CCDC169: variants seen among roughly 807,000 people sequenced by gnomAD.
CCDC169 encodes coiled-coil domain-containing protein 169.
In CCDC169, 30 loss-of-function variants were observed where a neutral mutation model predicts 36.0. That is an observed-to-expected ratio of 0.83 (90% confidence interval 0.62 to 1.13). The LOEUF is 1.13. Ranked by LOEUF, CCDC169 falls within the 50% of genes most tolerant of loss-of-function variation. CCDC169 has a pLI of 0.00. For synonymous variants in CCDC169, 85 were observed against 81.5 expected (o/e 1.04, Z -0.23); for missense variants, 245 against 245.9 (o/e 1.00, Z 0.03).
At chr13:36,273,733 A>T (rs574731070) in intron 4 of CCDC169, among the ~76,000 whole-genome samples, 4 of 152,292 alleles carry the variant, frequency 2.6e-5, no homozygotes, top group African/African-American at 9.6e-5. Flanking sequence ...TTTATTTAAA[A>T]TTTTTTTGTA....
chr13:36,281,476 C>A (rs1289937943), intron 4 of CCDC169, among the ~76,000 whole-genome samples: 1 of 152,000 alleles, frequency 6.6e-6, no homozygotes, highest in East Asian at 1.9e-4. Context: ...GAGGCACCAA[C>A]CTATTATCAG....
intron 4 of CCDC169, among the ~76,000 whole-genome samples, chr13:36,255,865 T>C (rs1873805679): frequency 6.6e-6 from 1 of 152,218 alleles, no homozygotes; most frequent in African/African-American, 2.4e-5. Flanking sequence ...GGACCCACTA[T>C]GTCCTGCTTC....
downstream of CCDC169, among the ~76,000 whole-genome samples, chr13:36,230,503 A>T (rs900833757): frequency 1.3e-5 from 2 of 152,224 alleles, no homozygotes; most frequent in African/African-American, 4.8e-5. Flanking sequence ...ACCACACATC[A>T]CAAAATGACT....
chr13:36,236,301 G>A (rs1020231076), intron 7 of CCDC169, among the ~76,000 whole-genome samples: 9 of 152,066 alleles, frequency 5.9e-5, no homozygotes, highest in Non-Finnish European at 1.2e-4. Context: ...TAAGGATAGA[G>A]TTATAGATCA....
chr13:36,223,951 T>C (rs1237085327), downstream of CCDC169: 1 of 152,180 alleles, frequency 6.6e-6, no homozygotes, highest in African/African-American at 2.4e-5. Context: ...CTAAAATTGA[T>C]ATAGGTAACT....
At chr13:36,227,387 T>C (rs1299714920), downstream of CCDC169, 2 of 1,539,790 alleles carry the variant, frequency 1.3e-6, no homozygotes, top group African/African-American at 1.4e-5. Flanking sequence ...GGAGGCTGTT[T>C]GAAGAGATGT....
downstream of CCDC169, chr13:36,226,362 A>G (rs1869875788): frequency 6.6e-6 from 1 of 152,214 alleles, no homozygotes; most frequent in Non-Finnish European, 1.5e-5. Context: ...TTAAATTCTC[A>G]TCTGGCATTA....
downstream of CCDC169, among the ~76,000 whole-genome samples, chr13:36,230,453 T>C (rs1870293094): frequency 6.6e-6 from 1 of 152,214 alleles, no homozygotes; most frequent in Non-Finnish European, 1.5e-5. Context: ...TTGTGAACAA[T>C]TGCAGTTTGG....
At chr13:36,262,266 G>A (rs1874701171) in intron 4 of CCDC169, among the ~76,000 whole-genome samples, 1 of 147,830 alleles carries the variant, frequency 6.8e-6, no homozygotes, top group Non-Finnish European at 1.5e-5. Flanking sequence ...GGAGATGGGT[G>A]GAAATAATTT....
chr13:36,238,188 T>C (rs934578618), intron 7 of CCDC169, among the ~76,000 whole-genome samples: 4 of 152,230 alleles, frequency 2.6e-5, no homozygotes, highest in Non-Finnish European at 5.9e-5. Context: ...GATGAAAATG[T>C]TCTGGAATCA....
At chr13:36,281,483 T>C (rs148822880) in intron 4 of CCDC169, among the ~76,000 whole-genome samples, 587 of 152,214 alleles carry the variant, frequency 3.9e-3, no homozygotes, top group Non-Finnish European at 6.6e-3. Context: ...CAACCTATTA[T>C]CAGAACAAAG....
intron 6 of CCDC169, among the ~76,000 whole-genome samples, chr13:36,250,883 T>C (rs1266012646): frequency 6.6e-6 from 1 of 152,190 alleles, no homozygotes; most frequent in East Asian, 1.9e-4. Flanking sequence ...AACTTCCCGA[T>C]AATGAAACAG....
Position 36,288,293 on chromosome 13 carries a change from C to T in CCDC169, c.164-4591G>A, listed in dbSNP as rs529842446. On this transcript the variant is annotated intron_variant, in intron 2 of 7. Coordinates refer to ENST00000239859, the MANE Select transcript of CCDC169 (RefSeq NM_001144981.3). ...CCTCCCAAAGTGCTGGGATTACAGG[C>T]GTGAGCCACCGTGCCCGACCCGGAA... 3.9e-5 allele frequency among the ~76,000 whole-genome samples: 6 copies of T among 152,182 alleles called. No individual in the cohort carries two copies. The South Asian group carries it at 1.2e-3, about 32-fold the overall frequency.
chr13:36,282,416 G>A, intron 4 of CCDC169: 2 of 985,262 alleles, frequency 2.0e-6, no homozygotes, highest in Non-Finnish European at 2.4e-6. Flanking sequence ...AATGCTTTTT[G>A]CTTAGTAATT....
intron 2 of CCDC169, among the ~76,000 whole-genome samples, chr13:36,285,614 GATAGATAC>G (rs1555254466): frequency 9.5e-4 from 131 of 138,170 alleles, no homozygotes; most frequent in Non-Finnish European, 1.4e-3. Flanking sequence ...TAGATAGATA[GATAGATAC>G]ATAGATACAT....
At chr13:36,253,910 T>A in intron 5 of CCDC169, 54 bp from the exon 6 acceptor site, 2 of 1,543,182 alleles carry the variant, frequency 1.3e-6, no homozygotes, top group East Asian at 4.9e-5. Flanking sequence ...TTAGCAATAC[T>A]AGCAAGACTA....
chr13:36,270,207 A>G (rs1025522716), intron 4 of CCDC169, among the ~76,000 whole-genome samples: 26 of 139,328 alleles, frequency 1.9e-4, no homozygotes, highest in African/African-American at 5.8e-4. Flanking sequence ...CTAGGAATAT[A>G]CTTAAAGCAG....
intron 7 of CCDC169, among the ~76,000 whole-genome samples, chr13:36,232,113 G>C (rs887046244): frequency 6.6e-6 from 1 of 152,180 alleles, no homozygotes; most frequent in Non-Finnish European, 1.5e-5. Context: ...GAGCTTTGTA[G>C]CATTTTAACT....
At chr13:36,280,814 G>A (rs949670670) in intron 4 of CCDC169, 1 of 152,290 alleles carries the variant, frequency 6.6e-6, no homozygotes, top group Non-Finnish European at 1.5e-5. Context: ...TGAATTGAAT[G>A]AATACATAAA....
Sources: gnomAD v4.1 joint callset for allele counts (sites outside exome capture counted in the v4.1 genomes callset) on GRCh38, gnomAD v4.1.1 for gene constraint, MANE v1.5 for transcripts, NCBI Gene and HGNC (gene_info 2026-07-23, HGNC 2026-07-21) for gene names.